SCAPER: variants seen among roughly 807,000 people sequenced by gnomAD.
The protein encoded by SCAPER is S phase cyclin A-associated protein in the endoplasmic reticulum.
A neutral mutation model predicts 182.2 loss-of-function variants in SCAPER; 98 were observed. That is an observed-to-expected ratio of 0.54 (90% CI 0.46 to 0.64). SCAPER has a LOEUF of 0.64. Ranked by LOEUF, SCAPER falls within the 30% of genes least tolerant of loss-of-function variation. The pLI, the probability that SCAPER is intolerant of heterozygous loss-of-function variation, is 0.00. For synonymous variants in SCAPER, 605 were observed against 564.6 expected (o/e 1.07, Z -1.01); for missense variants, 1,432 against 1,690.0 (o/e 0.85, Z 2.68).
intron 29 of SCAPER, among the ~76,000 whole-genome samples, chr15:76,356,247 A>G (rs1466864852): frequency 6.6e-6 from 1 of 152,164 alleles, no homozygotes; most frequent in African/African-American, 2.4e-5. Flanking sequence ...TGTCATGAGC[A>G]CAGATGAACC....
At chr15:76,739,322 G>A (rs2061432453) in intron 15 of SCAPER, among the ~76,000 whole-genome samples, 1 of 152,258 alleles carries the variant, frequency 6.6e-6, no homozygotes, top group African/African-American at 2.4e-5. Context: ...AGTAACCTCA[G>A]CATAAGATTT....
At chr15:76,778,707 T>C (rs12912903) in intron 8 of SCAPER, among the ~76,000 whole-genome samples, 1 of 152,040 alleles carries the variant, frequency 6.6e-6, no homozygotes, top group Non-Finnish European at 1.5e-5. Context: ...AGTTTAAGTA[T>C]GTTTTTAAGT....
rs1439605161 is a variant in SCAPER, at chr15:76,593,166, G to A, written c.2712-18882C>T. ...GGTGCCTGCCATTACTGAGGCTTGC[G>A]TAGGCAATTTTCCCCTCACAGGGTA... On this transcript the variant is annotated intron_variant, in intron 22 of 31. Coordinates refer to ENST00000563290, the MANE Select transcript of SCAPER (RefSeq NM_020843.4). Among the ~76,000 whole-genome samples the A allele has an allele frequency of 1.2e-4, 14 of 121,496 alleles. 4 individuals carry two copies. The highest frequency in any genetic ancestry group is 4.7e-4 in the Admixed American group (5 of 10,726). The allele number at this position is 121,496 out of a possible 152,430, so 79.7% of individuals were successfully genotyped here. A position where few individuals can be genotyped will look rare whatever the true frequency, so the allele number is the denominator to read the frequency against.
At chr15:76,518,193 G>A (rs2042581283) in intron 23 of SCAPER, among the ~76,000 whole-genome samples, 1 of 152,114 alleles carries the variant, frequency 6.6e-6, no homozygotes, top group Non-Finnish European at 1.5e-5. Context: ...GCTCCCTGCA[G>A]CTCAAGCCCC....
chr15:76,710,041 TA>T (rs2059479418), intron 17 of SCAPER, among the ~76,000 whole-genome samples: 1 of 152,162 alleles, frequency 6.6e-6, no homozygotes, highest in African/African-American at 2.4e-5. Flanking sequence ...ATCAAAAATC[TA>T]CAGCAAGTAT....
intron 25 of SCAPER, among the ~76,000 whole-genome samples, chr15:76,468,314 A>G (rs1189006975): frequency 6.6e-6 from 1 of 152,148 alleles, no homozygotes; most frequent in Non-Finnish European, 1.5e-5. Flanking sequence ...AGTGCCATGT[A>G]TAAGAAAAAA....
intron 22 of SCAPER, among the ~76,000 whole-genome samples, chr15:76,586,922 T>C (rs2048708083): frequency 6.6e-6 from 1 of 152,018 alleles, no homozygotes; most frequent in African/African-American, 2.4e-5. Flanking sequence ...GCTGTGAAAC[T>C]GTCTGGTCCT....
rs140770313 is a variant in SCAPER at position 76,643,056 on chromosome 15, G to GC, written c.2646-21228dup. 2.8e-3 allele frequency among the ~76,000 whole-genome samples: 420 copies of GC among 152,194 alleles called. 5 individuals are homozygous for GC. The highest frequency in any genetic ancestry group is 4.1e-3 in the Non-Finnish European group (277 of 67,994). ...GATATCCCCTGGAGAGTTTGAACTG[G>GC]CTTACTATAGCCACAGGCACATCAC... On this transcript the variant is annotated intron_variant, in intron 21 of 31. Coordinates refer to ENST00000563290, the MANE Select transcript of SCAPER (RefSeq NM_020843.4).
intron 27 of SCAPER, among the ~76,000 whole-genome samples, chr15:76,400,933 A>G (rs1008465915): frequency 2.0e-5 from 3 of 151,516 alleles, no homozygotes; most frequent in African/African-American, 7.3e-5. Context: ...AATTTTAAAT[A>G]AAATGTATCA....
chr15:76,425,671 C>T (rs2046372751), intron 26 of SCAPER, among the ~76,000 whole-genome samples: 1 of 152,192 alleles, frequency 6.6e-6, no homozygotes, highest in Non-Finnish European at 1.5e-5. Flanking sequence ...AGCTGCGTTC[C>T]TTTGGAGGGT....
intron 2 of SCAPER, among the ~76,000 whole-genome samples, chr15:76,867,452 A>T (rs544710077): frequency 2.6e-5 from 4 of 152,324 alleles, no homozygotes; most frequent in African/African-American, 9.6e-5. Context: ...ACAGAATGAT[A>T]AGCTGGAATC....
intron 21 of SCAPER, among the ~76,000 whole-genome samples, chr15:76,623,996 C>G (rs753353807): frequency 3.3e-5 from 5 of 152,186 alleles, no homozygotes; most frequent in African/African-American, 1.2e-4. Flanking sequence ...AGAACAGGAA[C>G]AACACAAGGA....
intron 20 of SCAPER, among the ~76,000 whole-genome samples, chr15:76,673,386 G>A (rs1454384560): frequency 6.6e-6 from 1 of 152,028 alleles, no homozygotes; most frequent in Non-Finnish European, 1.5e-5. Context: ...TAAAAGATGG[G>A]GAGAATGGGG....
intron 15 of SCAPER, among the ~76,000 whole-genome samples, chr15:76,740,320 A>G (rs944668079): frequency 1.6e-4 from 25 of 152,236 alleles, no homozygotes; most frequent in African/African-American, 4.8e-4. Context: ...TGTAGCTAAG[A>G]AAGGCAACAG....
At chr15:76,636,052 T>C (rs759890371) in intron 21 of SCAPER, among the ~76,000 whole-genome samples, 1 of 152,204 alleles carries the variant, frequency 6.6e-6, no homozygotes, top group Non-Finnish European at 1.5e-5. Context: ...TTAGTAGCAG[T>C]GTTATGCTGA....
intron 21 of SCAPER, among the ~76,000 whole-genome samples, chr15:76,664,980 G>T (rs866359841): frequency 2.5e-4 from 38 of 152,254 alleles, no homozygotes; most frequent in African/African-American, 7.5e-4. Flanking sequence ...GAGACACTTA[G>T]TAGTAAAAGT....
chr15:76,447,447 C>A (rs2048078980), intron 25 of SCAPER, among the ~76,000 whole-genome samples: 1 of 152,326 alleles, frequency 6.6e-6, no homozygotes, highest in South Asian at 2.1e-4. Flanking sequence ...TGATTGGCAT[C>A]TGAAGTGGTG....
chr15:76,900,710 T>C (rs539702112), intron 1 of SCAPER, among the ~76,000 whole-genome samples: 15 of 152,332 alleles, frequency 9.8e-5, no homozygotes, highest in African/African-American at 3.6e-4. Context: ...ATCTTTTCTT[T>C]ATCCAAGTTT....
At chr15:76,783,036 C>G (rs187369588) in intron 8 of SCAPER, among the ~76,000 whole-genome samples, 187 of 152,154 alleles carry the variant, frequency 1.2e-3, no homozygotes, top group Non-Finnish European at 1.7e-3. Context: ...AAGATCAGAG[C>G]AGAACTGAAG....
Sources: gnomAD v4.1 joint callset for allele counts (sites outside exome capture counted in the v4.1 genomes callset) on GRCh38, gnomAD v4.1.1 for gene constraint, MANE v1.5 for transcripts, NCBI Gene and HGNC (gene_info 2026-07-23, HGNC 2026-07-21) for gene names.